The following SLC41A2 variants were observed in gnomAD, a reference collection of about 807,000 sequenced individuals.
SLC41A2 encodes the protein solute carrier family 41 member 2, also known as SLC41A1-like 1.
Under a neutral mutation model 58.3 loss-of-function variants are expected in SLC41A2, and 32 were observed. The observed-to-expected ratio is 0.55, with a 90% CI of 0.41 to 0.74. SLC41A2 has a LOEUF of 0.74. SLC41A2 is among the 30% of genes least tolerant of loss of function. The pLI is 0.00. For synonymous variants in SLC41A2, 190 were observed against 235.0 expected (o/e 0.81, Z 1.75); for missense variants, 514 against 680.6 (o/e 0.76, Z 2.72).
At chr12:104,841,799 T>G (rs1191398297) in intron 10 of SLC41A2, among the ~76,000 whole-genome samples, 2 of 151,926 alleles carry the variant, frequency 1.3e-5, no homozygotes, top group East Asian at 1.9e-4. Flanking sequence ...CCTCAAAGAG[T>G]ATTAGTCTGT....
At chr12:104,888,912 T>G (rs2044805717) in intron 5 of SLC41A2, 121 bp downstream of exon 5, 1 of 1,040,114 alleles carries the variant, frequency 9.6e-7, no homozygotes, top group South Asian at 2.1e-5. Context: ...TTTTTAAGTT[T>G]GTAGATATGT....
chr12:104,828,118 G>A (rs555122666), intron 10 of SLC41A2, among the ~76,000 whole-genome samples: 8 of 152,270 alleles, frequency 5.3e-5, no homozygotes, highest in African/African-American at 9.6e-5. Flanking sequence ...GCAACTGGAC[G>A]TCAAGAGGAG....
chr12:104,873,208 TA>T (rs1235889920), intron 6 of SLC41A2, among the ~76,000 whole-genome samples: 1 of 152,036 alleles, frequency 6.6e-6, no homozygotes, highest in Non-Finnish European at 1.5e-5. Context: ...CCCCCGTAAC[TA>T]CCATTCTACT....
intron 1 of SLC41A2, among the ~76,000 whole-genome samples, chr12:104,953,214 A>C (rs1285376269): frequency 6.6e-6 from 1 of 152,234 alleles, no homozygotes; most frequent in Non-Finnish European, 1.5e-5. Context: ...AAAGTGTCTA[A>C]GAGATTTAGT....
intron 8 of SLC41A2, among the ~76,000 whole-genome samples, chr12:104,860,982 A>C (rs1784008366): frequency 6.6e-6 from 1 of 152,224 alleles, no homozygotes; most frequent in Admixed American, 6.5e-5. Flanking sequence ...ATAGCTGATA[A>C]TCCCAATGTA....
Position 104,844,541 on chromosome 12 carries a change from CA to C in SLC41A2, c.1466del (p.Leu489Ter). The part of the protein sequence containing the change: ...GHLIFLYTIH[L>X]MKSGHTSLTI... The stretch of plus-strand genomic sequence containing the variant: ...TTAAAGAAGTATGACCACTTTTCAT[CA>C]AATGAATAGTGTAGAGGAAAATTAA... On this transcript the variant is annotated frameshift_variant, in exon 10 of 11. Coordinates refer to ENST00000258538, the MANE Select transcript of SLC41A2 (RefSeq NM_001352171.3). LOFTEE classifies it high-confidence loss of function. The C allele has an allele frequency of 6.4e-7, 1 of 1,569,378 alleles. No homozygotes were observed.
intron 10 of SLC41A2, among the ~76,000 whole-genome samples, chr12:104,813,763 G>A (rs902781644): frequency 5.9e-5 from 9 of 152,102 alleles, no homozygotes; most frequent in African/African-American, 2.2e-4. Flanking sequence ...AGCCTCCTGA[G>A]TAGCTAGGAC....
At chr12:104,868,710 A>T (rs1322065664) in intron 6 of SLC41A2, among the ~76,000 whole-genome samples, 3 of 152,244 alleles carry the variant, frequency 2.0e-5, no homozygotes, top group Non-Finnish European at 4.4e-5. Context: ...CTAAATGTTC[A>T]TCAAATGGTG....
At chr12:104,905,433 G>A (rs2045788233) in intron 3 of SLC41A2, among the ~76,000 whole-genome samples, 1 of 152,240 alleles carries the variant, frequency 6.6e-6, no homozygotes, top group African/African-American at 2.4e-5. Context: ...CCAGACTCAG[G>A]AGCCCAGCTG....
intron 3 of SLC41A2, among the ~76,000 whole-genome samples, chr12:104,899,296 CTG>C (rs2045446945): frequency 6.6e-6 from 1 of 152,140 alleles, no homozygotes; most frequent in South Asian, 2.1e-4. Flanking sequence ...TTTTTATTAA[CTG>C]AATATTAATC....
At chr12:104,901,273 A>G (rs947259245) in intron 3 of SLC41A2, among the ~76,000 whole-genome samples, 7 of 152,074 alleles carry the variant, frequency 4.6e-5, no homozygotes, top group Non-Finnish European at 8.8e-5. Flanking sequence ...AAAAGCAGAA[A>G]ATTTTAGACC....
chr12:104,835,616 T>C (rs2042182394), intron 10 of SLC41A2, among the ~76,000 whole-genome samples: 1 of 152,184 alleles, frequency 6.6e-6, no homozygotes, highest in South Asian at 2.1e-4. Context: ...CCATAGCAGT[T>C]TGTCCTTCTC....
At chr12:104,879,346 G>A (rs1231831341) in intron 6 of SLC41A2, among the ~76,000 whole-genome samples, 1 of 152,176 alleles carries the variant, frequency 6.6e-6, no homozygotes, top group Non-Finnish European at 1.5e-5. Flanking sequence ...GGCTTTTGTT[G>A]CCATTGCTTT....
intron 3 of SLC41A2, among the ~76,000 whole-genome samples, chr12:104,900,140 G>C (rs909742671): frequency 1.3e-5 from 2 of 152,076 alleles, no homozygotes; most frequent in African/African-American, 4.8e-5. Flanking sequence ...AATTCCCTCA[G>C]GCGAAAACAT....
Position 104,814,974 on chromosome 12 carries a change from T to C in SLC41A2, c.1537-9637A>G, listed in dbSNP as rs557447350. Among the ~76,000 whole-genome samples, 3 of 152,378 alleles carry C rather than the reference T, an allele frequency of 2.0e-5. No individual in the cohort carries two copies. In the South Asian group the frequency reaches 6.2e-4, roughly 32 times the overall value. On this transcript the variant is annotated intron_variant, in intron 10 of 10. Coordinates refer to ENST00000258538, the MANE Select transcript of SLC41A2 (RefSeq NM_001352171.3). ...AATTTCATTGTCAACTATGCAGAAA[T>C]TGCTCTATTCACCTTTGTGATATTC... is the stretch of plus-strand genomic sequence containing the variant.
intron 5 of SLC41A2, 94 bp downstream of exon 5, chr12:104,888,939 A>C: frequency 1.6e-6 from 2 of 1,261,560 alleles, no homozygotes; most frequent in Non-Finnish European, 2.1e-6. Context: ...TGTTGTTTTC[A>C]TAACAGGTAT....
At chr12:104,901,415 GA>G (rs57510696) in intron 3 of SLC41A2, among the ~76,000 whole-genome samples, 1,884 of 151,730 alleles carry the variant, frequency 0.012, 50 homozygotes, top group African/African-American at 0.044. Flanking sequence ...TAAAATCCAG[GA>G]AAAAAATTAT....
rs1392046449 is a variant in SLC41A2 at position 104,948,589 on chromosome 12, G to T, written c.-168+9499C>A. Among the ~76,000 whole-genome samples, 4 of 152,128 alleles carry T rather than the reference G, an allele frequency of 2.6e-5. No individual in the cohort carries two copies. In the East Asian group the frequency reaches 7.7e-4, roughly 29 times the overall value. The stretch of plus-strand genomic sequence containing the variant: ...AGAGAGGTTAAATAATATGCCCAAA[G>T]TTACAACGTTAGTAAGATAAAGACA... On this transcript the variant is annotated intron_variant, in intron 1 of 10. Transcript: ENST00000258538.
intron 7 of SLC41A2, among the ~76,000 whole-genome samples, chr12:104,863,041 T>A (rs963610025): frequency 6.6e-6 from 1 of 152,210 alleles, no homozygotes; most frequent in Admixed American, 6.5e-5. Flanking sequence ...GCAACCCAGC[T>A]TTTTTACTAT....
Sources: allele counts gnomAD v4.1 joint callset (sites outside exome capture counted in the v4.1 genomes callset), GRCh38; gene constraint gnomAD v4.1.1; transcripts MANE v1.5; gene names NCBI Gene and HGNC (gene_info 2026-07-23, HGNC 2026-07-21).